KIF26B: variants seen among roughly 807,000 people sequenced by gnomAD.
The protein encoded by KIF26B is kinesin family member 26B, also known as kinesin-like protein KIF26B.
A neutral mutation model predicts 151.2 loss-of-function variants in KIF26B; 63 were observed. The observed-to-expected ratio is 0.42, with a 90% CI of 0.34 to 0.51. The LOEUF (loss-of-function observed/expected upper bound fraction) is 0.51, where lower values mean the gene tolerates loss of function less well. Ranked by LOEUF, KIF26B falls within the 20% of genes least tolerant of loss-of-function variation. The pLI is 0.07. For synonymous variants in KIF26B, 1,357 were observed against 1,262.1 expected (o/e 1.08, Z -1.59); for missense variants, 2,813 against 2,913.6 (o/e 0.97, Z 0.79).
At chr1:245,255,566 T>A (rs1229741657) in intron 2 of KIF26B, among the ~76,000 whole-genome samples, 2 of 152,200 alleles carry the variant, frequency 1.3e-5, no homozygotes, top group Non-Finnish European at 2.9e-5. Context: ...TTGGTACGAT[T>A]ACACAGCCCT....
chr1:245,668,716 C>T (rs376756540), intron 10 of KIF26B, among the ~76,000 whole-genome samples: 62 of 146,856 alleles, frequency 4.2e-4, no homozygotes, highest in Non-Finnish European at 7.8e-4. Flanking sequence ...TTTGAGACAG[C>T]GTCTTGCTCT....
intron 12 of KIF26B, among the ~76,000 whole-genome samples, chr1:245,694,120 G>A (rs561595716): frequency 9.2e-5 from 14 of 152,330 alleles, no homozygotes; most frequent in South Asian, 6.2e-4. Context: ...GCTCGGCATC[G>A]AGGAGAGCTT....
In KIF26B at chr1:245,687,007, A is replaced by G; in HGVS notation, c.4024A>G (p.Ile1342Val). The G allele has an allele frequency of 6.2e-7, 1 of 1,613,214 alleles. No individual in the cohort carries two copies. Among genetic ancestry groups the G allele is most frequent in the Middle Eastern group, 1.7e-4 (1 of 6,054 alleles). The change falls in exon 12 of 15, where the codon ATC (isoleucine) becomes GTC (valine). Residue 1342 changes from isoleucine to valine, a missense_variant. Around this residue, in one of 3 missense-constraint regions of KIF26B, gnomAD observed 2,060 missense variants for 2,088.6 expected, o/e 0.99. Coordinates refer to ENST00000407071, the MANE Select transcript of KIF26B (RefSeq NM_018012.4). This position sits in a 1 kb window ranked among gnomAD's most constrained non-coding sequence, Gnocchi z 4.9. ...CAAGGCCAGCCCCGACAACTTGCTC[A>G]TCCTGTCTGAGATGGGAGATGACTC... ...KPKASPDNLL[I>V]LSEMGDDSFN...
chr1:245,647,466 A>G (rs975678397), intron 10 of KIF26B, among the ~76,000 whole-genome samples: 4 of 151,286 alleles, frequency 2.6e-5, no homozygotes, highest in African/African-American at 9.7e-5. Context: ...AATTTATTGT[A>G]GAATTTAGGA....
At chr1:245,625,667 A>T (rs1258313158) in intron 9 of KIF26B, among the ~76,000 whole-genome samples, 1 of 152,142 alleles carries the variant, frequency 6.6e-6, no homozygotes, top group Non-Finnish European at 1.5e-5. Context: ...ATATACAATA[A>T]ATTATTGTTA....
chr1:245,470,385 A>G (rs1016991450), intron 4 of KIF26B, among the ~76,000 whole-genome samples: 1 of 152,096 alleles, frequency 6.6e-6, no homozygotes, highest in Admixed American at 6.5e-5. Flanking sequence ...GTGGCAAAAC[A>G]GTCACTGCTT....
rs139425500 is a variant in KIF26B at position 245,285,058 on chromosome 1, C to T, written c.466-81776C>T. Among the ~76,000 whole-genome samples, 118 of 152,206 alleles carry T rather than the reference C, an allele frequency of 7.8e-4. 1 individual carries two copies. In the East Asian group the frequency reaches 0.021, roughly 27 times the overall value. On this transcript the variant is annotated intron_variant, in intron 2 of 14. Coordinates refer to ENST00000407071, the MANE Select transcript of KIF26B (RefSeq NM_018012.4). The stretch of plus-strand genomic sequence containing the variant: ...CTGTCTCAAAAAACAAACAAACAAG[C>T]GAACAAAAACAATAATTTATTTTTG...
intron 4 of KIF26B, among the ~76,000 whole-genome samples, chr1:245,448,669 A>G (rs1659303365): frequency 6.6e-6 from 1 of 152,188 alleles, no homozygotes; most frequent in Non-Finnish European, 1.5e-5. Flanking sequence ...AGCTCTTTCC[A>G]CATGGTGTGT....
chr1:245,411,020 C>A lies in KIF26B; in HGVS notation c.1000-8559C>A, dbSNP rs946482539. On this transcript the variant is annotated intron_variant, in intron 3 of 14. Transcript: ENST00000407071. The stretch of plus-strand genomic sequence containing the variant: ...TAAAAACTCTTTTGATGAGATAGGT[C>A]AGAGAAAATCCATTTTATTGCCCTA... Among the ~76,000 whole-genome samples the A allele has an allele frequency of 6.6e-5, 10 of 152,182 alleles. 1 individual carries two copies. Among genetic ancestry groups the A allele is most frequent in the Admixed American group, 4.6e-4 (7 of 15,276 alleles).
intron 2 of KIF26B, among the ~76,000 whole-genome samples, chr1:245,201,812 G>A (rs1012210608): frequency 1.3e-5 from 2 of 152,216 alleles, no homozygotes; most frequent in African/African-American, 4.8e-5. Flanking sequence ...CTGCAGGAAT[G>A]TTTTTAATAG....
chr1:245,432,798 G>C (rs1184144861), intron 4 of KIF26B, among the ~76,000 whole-genome samples: 1 of 152,182 alleles, frequency 6.6e-6, no homozygotes, highest in Non-Finnish European at 1.5e-5. Context: ...AGCTGTATAA[G>C]AAATTGGCTC....
intron 2 of KIF26B, among the ~76,000 whole-genome samples, chr1:245,304,809 T>G (rs1458608978): frequency 6.6e-6 from 1 of 152,004 alleles, no homozygotes; most frequent in Non-Finnish European, 1.5e-5. Context: ...CAGTCCAAAC[T>G]GAGTGATTCA....
chr1:245,706,111 G>A lies in KIF26B; in HGVS notation c.*3505G>A, dbSNP rs1009192610. On this transcript the variant is annotated 3_prime_UTR_variant, in exon 15 of 15. Coordinates refer to ENST00000407071, the MANE Select transcript of KIF26B (RefSeq NM_018012.4). ...AATTAGACAGGCAGGAATCTGGCCT[G>A]GTTTGTCATAAATTAGCCTTCAACT... 1.3e-5 allele frequency: 2 copies of A among 152,164 alleles called. No homozygotes were observed. Among genetic ancestry groups the A allele is most frequent in the African/African-American group, 4.8e-5 (2 of 41,438 alleles). The allele number at this position is 152,164 out of a possible 1,614,324, so 9.4% of individuals were successfully genotyped here. A position where few individuals can be genotyped will look rare whatever the true frequency, so the allele number is the denominator to read the frequency against.
At chr1:245,460,663 C>A (rs34190735) in intron 4 of KIF26B, among the ~76,000 whole-genome samples, 37,698 of 152,194 alleles carry the variant, frequency 0.25, 5,604 homozygotes, top group Admixed American at 0.32. Flanking sequence ...GATGTTTTGT[C>A]AAAGAAATGC....
intron 2 of KIF26B, among the ~76,000 whole-genome samples, chr1:245,335,389 C>T (rs377122790): frequency 5.3e-4 from 81 of 152,306 alleles, no homozygotes; most frequent in South Asian, 2.1e-3. Flanking sequence ...CACATATACG[C>T]ACTCTAGTGC....
chr1:245,609,012 C>G (rs1309518181), intron 7 of KIF26B, among the ~76,000 whole-genome samples: 1 of 152,212 alleles, frequency 6.6e-6, no homozygotes, highest in Non-Finnish European at 1.5e-5. Flanking sequence ...TCTTGGCCCC[C>G]ACAAAGTGCT....
chr1:245,502,529 C>CAAA (rs10596275), intron 4 of KIF26B, among the ~76,000 whole-genome samples: 2 of 96,734 alleles, frequency 2.1e-5, no homozygotes, highest in East Asian at 2.8e-4. Flanking sequence ...GATTCTGTCT[C>CAAA]AAAAAAAAAA....
At chr1:245,661,739 GTTA>G (rs2044142942) in intron 10 of KIF26B, among the ~76,000 whole-genome samples, 1 of 146,952 alleles carries the variant, frequency 6.8e-6, no homozygotes, top group African/African-American at 2.5e-5. Flanking sequence ...TACACCCAGT[GTTA>G]TATATACACA....
chr1:245,219,469 A>T (rs533428651), intron 2 of KIF26B, among the ~76,000 whole-genome samples: 1 of 152,130 alleles, frequency 6.6e-6, no homozygotes, highest in Admixed American at 6.5e-5. Flanking sequence ...GCGGTAGCTC[A>T]TGCCTGTAAT....
Sources: allele counts gnomAD v4.1 joint callset (sites outside exome capture counted in the v4.1 genomes callset), GRCh38; gene constraint gnomAD v4.1.1; regional missense constraint gnomAD v4.1.1; non-coding constraint Gnocchi (gnomAD v3.1); transcripts MANE v1.5; gene names NCBI Gene and HGNC (gene_info 2026-07-23, HGNC 2026-07-21).